WWTR1: variants seen among roughly 807,000 people sequenced by gnomAD.
The protein encoded by WWTR1 is WW domain-containing transcription regulator protein 1.
Under a neutral mutation model 40.1 loss-of-function variants are expected in WWTR1, and 13 were observed. That is an observed-to-expected ratio of 0.32 (90% CI 0.21 to 0.52). The LOEUF is 0.52. Among genes scored for constraint, WWTR1 ranks in the 20% least tolerant of loss-of-function variants. WWTR1 has a pLI of 0.97. For synonymous variants in WWTR1, 230 were observed against 210.1 expected (o/e 1.09, Z -0.82); for missense variants, 436 against 523.1 (o/e 0.83, Z 1.63).
chr3:149,604,821 G>A (rs1739410933), intron 2 of WWTR1, among the ~76,000 whole-genome samples: 1 of 152,358 alleles, frequency 6.6e-6, no homozygotes, highest in East Asian at 1.9e-4. Context: ...GAGGACAGGT[G>A]CCAGGAAAAA....
intron 2 of WWTR1, among the ~76,000 whole-genome samples, chr3:149,627,988 G>A (rs1740651832): frequency 6.6e-6 from 1 of 151,462 alleles, no homozygotes; most frequent in African/African-American, 2.4e-5. Flanking sequence ...CAGAAAAATC[G>A]CTTGAACCTG....
chr3:149,659,281 G>A (rs1369481356), upstream of WWTR1: 1 of 147,756 alleles, frequency 6.8e-6, no homozygotes, highest in African/African-American at 2.5e-5. Context: ...GTAAGTGTTT[G>A]TTAAATAAAA....
At chr3:149,557,087 T>TTTTTTTTG (rs1372748573) in intron 3 of WWTR1, among the ~76,000 whole-genome samples, 1 of 118,742 alleles carries the variant, frequency 8.4e-6, no homozygotes, top group East Asian at 2.1e-4. Flanking sequence ...TTTTTTTTTT[T>TTTTTTTTG]TGAGACAGAG....
At chr3:149,594,499 T>G (rs1354118662) in intron 2 of WWTR1, among the ~76,000 whole-genome samples, 1 of 152,174 alleles carries the variant, frequency 6.6e-6, no homozygotes, top group African/African-American at 2.4e-5. Flanking sequence ...ATTCACAAAA[T>G]CATTTATGCT....
At chr3:149,651,624 A>G (rs189116800) in intron 2 of WWTR1, among the ~76,000 whole-genome samples, 11 of 152,338 alleles carry the variant, frequency 7.2e-5, no homozygotes, top group Admixed American at 2.0e-4. Context: ...TGAAAAAACT[A>G]AAAGGTAACA....
chr3:149,654,273 G>A (rs760969905), intron 2 of WWTR1, among the ~76,000 whole-genome samples: 6 of 152,132 alleles, frequency 3.9e-5, no homozygotes, highest in Non-Finnish European at 8.8e-5. Context: ...ACTGCCTTTT[G>A]AGGCTGTGTA....
intron 1 of WWTR1, among the ~76,000 whole-genome samples, chr3:149,682,438 C>T (rs74788730): frequency 0.021 from 3,247 of 152,210 alleles, 67 homozygotes; most frequent in South Asian, 0.092. Context: ...CCAAGGACTG[C>T]AAAGAATTTC....
rs895348197 is a variant in WWTR1, at chr3:149,657,508, A to G, written c.-3-199T>C. 2.1e-5 allele frequency: 13 copies of G among 618,718 alleles called. No individual in the cohort carries two copies. The East Asian group carries it at 3.7e-4, about 18-fold the overall frequency. 38.3% of individuals were successfully genotyped at this position (618,718 alleles called of 1,614,324 possible). On this transcript the variant is annotated intron_variant, in intron 1 of 6. Coordinates refer to ENST00000360632, the MANE Select transcript of WWTR1 (RefSeq NM_015472.6). ...GGGGGAGGGGTCCCTCCTGGCCTCG[A>G]GAATTATGCAACTTTCTTGAAGCAA... is the stretch of plus-strand genomic sequence containing the variant.
At chr3:149,638,254 G>T (rs1371335386) in intron 2 of WWTR1, among the ~76,000 whole-genome samples, 1 of 152,062 alleles carries the variant, frequency 6.6e-6, no homozygotes, top group African/African-American at 2.4e-5. Context: ...GCATGCAGTG[G>T]CCGTGAGCAT....
At chr3:149,591,302 G>A (rs1738714659) in intron 2 of WWTR1, among the ~76,000 whole-genome samples, 1 of 152,188 alleles carries the variant, frequency 6.6e-6, no homozygotes, top group African/African-American at 2.4e-5. Flanking sequence ...TGATTCTTAA[G>A]GCCCTGCCAC....
intron 5 of WWTR1, among the ~76,000 whole-genome samples, chr3:149,712,247 G>A (rs1226987688): frequency 1.3e-5 from 2 of 152,088 alleles, no homozygotes; most frequent in Admixed American, 6.6e-5. Context: ...GACCACACCT[G>A]TGAATAGCCA....
At chr3:149,621,385 A>G (rs1740256917) in intron 2 of WWTR1, among the ~76,000 whole-genome samples, 1 of 152,172 alleles carries the variant, frequency 6.6e-6, no homozygotes, top group Non-Finnish European at 1.5e-5. Flanking sequence ...AGAAAACCAC[A>G]GTGCCCAAAC....
At chr3:149,637,256 CGCTCTG>C (rs1711877806) in intron 2 of WWTR1, among the ~76,000 whole-genome samples, 2 of 150,708 alleles carry the variant, frequency 1.3e-5, no homozygotes, top group Admixed American at 1.3e-4. Flanking sequence ...GACAGAGTCT[CGCTCTG>C]TTGGCCAGGC....
At chr3:149,619,032 C>G (rs555829905) in intron 2 of WWTR1, among the ~76,000 whole-genome samples, 1 of 152,190 alleles carries the variant, frequency 6.6e-6, no homozygotes, top group Non-Finnish European at 1.5e-5. Flanking sequence ...CTGTCATGAC[C>G]TTATCCTGCT....
intron 5 of WWTR1, among the ~76,000 whole-genome samples, chr3:149,708,632 T>C (rs986962498): frequency 6.6e-6 from 1 of 152,244 alleles, no homozygotes; most frequent in African/African-American, 2.4e-5. Context: ...ATCCATATTA[T>C]AGTGTGTGTC....
At chr3:149,637,811 G>A (rs1393572292) in intron 2 of WWTR1, among the ~76,000 whole-genome samples, 1 of 152,096 alleles carries the variant, frequency 6.6e-6, no homozygotes, top group African/African-American at 2.4e-5. Context: ...ACAGGAGATG[G>A]GGCTGGCTAA....
intron 1 of WWTR1, among the ~76,000 whole-genome samples, chr3:149,692,522 A>G (rs1251107952): frequency 1.3e-5 from 2 of 152,206 alleles, no homozygotes; most frequent in East Asian, 3.8e-4. Context: ...AAAGCCATAT[A>G]TGACAGACCC....
At chr3:149,574,644 G>T (rs1334826097) in intron 2 of WWTR1, among the ~76,000 whole-genome samples, 5 of 152,080 alleles carry the variant, frequency 3.3e-5, no homozygotes, top group African/African-American at 1.2e-4. Flanking sequence ...TTTCTTTTCA[G>T]TCTGTCTCCT....
intron 3 of WWTR1, among the ~76,000 whole-genome samples, chr3:149,555,682 TG>T (rs1736795417): frequency 6.6e-6 from 1 of 151,962 alleles, no homozygotes. Flanking sequence ...ATATTAACAG[TG>T]GTGGTGTTTC....
Sources: allele counts gnomAD v4.1 joint callset (sites outside exome capture counted in the v4.1 genomes callset), GRCh38; gene constraint gnomAD v4.1.1; transcripts MANE v1.5; gene names NCBI Gene and HGNC (gene_info 2026-07-23, HGNC 2026-07-21).